USH2A: variants seen among roughly 807,000 people sequenced by gnomAD.
USH2A encodes the protein Usher syndrome 2A (autosomal recessive, mild).
USH2A carries 443 observed loss-of-function variants against 538.9 expected under a neutral mutation model. That is an observed-to-expected ratio of 0.82 (90% CI 0.76 to 0.89). The LOEUF is 0.89. USH2A is among the 40% of genes least tolerant of loss of function. USH2A has a pLI of 0.00. For missense variants in USH2A, 6,633 were observed against 6,324.8 expected, an observed-to-expected ratio of 1.05 and a Z score of -1.65; for synonymous variants, 2,413 against 2,273.5, an observed-to-expected ratio of 1.06 and a Z score of -1.75.
intron 4 of USH2A, among the ~76,000 whole-genome samples, chr1:216,335,639 T>C (rs1027871299): frequency 5.3e-5 from 8 of 151,636 alleles, no homozygotes; most frequent in African/African-American, 1.7e-4. Flanking sequence ...AGGGATACTA[T>C]GAACAACTGT....
intron 21 of USH2A, 59 bp downstream of exon 21, chr1:216,175,193 T>C (rs1354821231): frequency 6.2e-7 from 1 of 1,607,514 alleles, no homozygotes; most frequent in African/African-American, 1.3e-5. Flanking sequence ...GATATGAAAA[T>C]ATAGAAAACA....
intron 21 of USH2A, among the ~76,000 whole-genome samples, chr1:216,116,547 T>C (rs1226659013): frequency 6.6e-6 from 1 of 152,130 alleles, no homozygotes; most frequent in Non-Finnish European, 1.5e-5. Context: ...ACAATCTCAG[T>C]GGATCCCAAG....
At chr1:215,949,611 G>A (rs1377148369) in intron 37 of USH2A, among the ~76,000 whole-genome samples, 1 of 151,976 alleles carries the variant, frequency 6.6e-6, no homozygotes, top group Non-Finnish European at 1.5e-5. Context: ...AAATAGCTCA[G>A]AAACAGGCAG....
At position 216,228,328 on chromosome 1, in the gene USH2A, A is replaced by G. The variant is rs114862348; in HGVS notation, c.2993+3625T>C. ...AATAATGGCAGGAGTTAGAAAAGGG[A>G]GAAAAATAGAATCCCTCTGAAAAGG... On this transcript the variant is annotated intron_variant, in intron 14 of 71. Transcript: ENST00000307340. Among the ~76,000 whole-genome samples the G allele has an allele frequency of 3.4e-3, 522 of 152,172 alleles. 2 individuals carry two copies. The highest frequency in any genetic ancestry group is 0.012 in the African/African-American group (496 of 41,516).
rs565005392 is a variant in USH2A at position 215,958,306 on chromosome 1, T to C, written c.7120+7011A>G. On this transcript the variant is annotated intron_variant, in intron 37 of 71. Coordinates refer to ENST00000307340, the MANE Select transcript of USH2A (RefSeq NM_206933.4). ...TTTAGAGATTTAGAGCATTTGAATATACTGACATTCTAAAGCACTCTTTCT... is the reference window on the plus strand; with the variant it reads ...TTTAGAGATTTAGAGCATTTGAATACACTGACATTCTAAAGCACTCTTTCT... 2.6e-5 allele frequency among the ~76,000 whole-genome samples: 4 copies of C among 152,160 alleles called. No individual in the cohort carries two copies. In the South Asian group the frequency reaches 6.2e-4, roughly 24 times the overall value.
chr1:216,346,442 T>G (rs931632160), intron 4 of USH2A, among the ~76,000 whole-genome samples: 4 of 152,098 alleles, frequency 2.6e-5, no homozygotes, highest in Non-Finnish European at 5.9e-5. Flanking sequence ...GTTTTTTACT[T>G]TTGGGGGTAT....
In USH2A at chr1:216,323,276, T is replaced by A. The variant is rs953955500; in HGVS notation, c.1550+198A>T. Reference sequence around the variant, plus strand: ...TATATATTTATTTATAAAATACGTTTTATATATATATATATATATATATAT... The same window carrying A: ...TATATATTTATTTATAAAATACGTTATATATATATATATATATATATATAT... On this transcript the variant is annotated intron_variant, in intron 8 of 71. Transcript: ENST00000307340. Among the ~76,000 whole-genome samples, 106 of 137,100 alleles carry A rather than the reference T, an allele frequency of 7.7e-4. 1 individual carries two copies. The highest frequency in any genetic ancestry group is 9.4e-4 in the South Asian group (4 of 4,260). 89.9% of individuals were successfully genotyped at this position (137,100 alleles called of 152,430 possible).
At chr1:216,272,818 T>C (rs2036601287) in intron 11 of USH2A, among the ~76,000 whole-genome samples, 1 of 152,212 alleles carries the variant, frequency 6.6e-6, no homozygotes, top group East Asian at 1.9e-4. Flanking sequence ...ATGGAAACCA[T>C]AACCTAGGAA....
At chr1:216,132,794 G>A (rs1471978807) in intron 21 of USH2A, among the ~76,000 whole-genome samples, 1 of 151,884 alleles carries the variant, frequency 6.6e-6, no homozygotes, top group Non-Finnish European at 1.5e-5. Flanking sequence ...TCCTCTCTGG[G>A]GACACATGAC....
At chr1:215,777,824 T>C (rs1279304120) in intron 55 of USH2A, among the ~76,000 whole-genome samples, 2 of 152,192 alleles carry the variant, frequency 1.3e-5, no homozygotes, top group African/African-American at 4.8e-5. Context: ...GCTTTCTTCT[T>C]CATCTTTCAG....
intron 64 of USH2A, among the ~76,000 whole-genome samples, chr1:215,666,603 G>T (rs969038785): frequency 6.6e-6 from 1 of 152,174 alleles, no homozygotes; most frequent in Admixed American, 6.5e-5. Flanking sequence ...ACAGGGGAAT[G>T]GGGACTGGGT....
At chr1:215,930,096 A>C (rs1337689937) in intron 38 of USH2A, among the ~76,000 whole-genome samples, 2 of 152,072 alleles carry the variant, frequency 1.3e-5, no homozygotes, top group Admixed American at 1.3e-4. Context: ...AATAATTCTC[A>C]TCAACTTAAA....
intron 23 of USH2A, among the ~76,000 whole-genome samples, chr1:216,088,329 AATTT>A (rs1056445512): frequency 1.3e-5 from 2 of 152,008 alleles, no homozygotes; most frequent in African/African-American, 2.4e-5. Flanking sequence ...TATTTGTTTA[AATTT>A]ATTTATTCTG....
intron 21 of USH2A, among the ~76,000 whole-genome samples, chr1:216,173,385 A>T (rs1314847173): frequency 6.6e-6 from 1 of 152,150 alleles, no homozygotes; most frequent in Non-Finnish European, 1.5e-5. Context: ...GTCCCAGAAC[A>T]TGCCTGAACA....
intron 44 of USH2A, among the ~76,000 whole-genome samples, chr1:215,854,471 A>G (rs1664102568): frequency 6.6e-6 from 1 of 152,186 alleles, no homozygotes; most frequent in African/African-American, 2.4e-5. Context: ...AACATACTGA[A>G]GCAGCATCAT....
intron 64 of USH2A, among the ~76,000 whole-genome samples, chr1:215,666,539 C>A (rs1421622920): frequency 6.6e-6 from 1 of 152,062 alleles, no homozygotes; most frequent in Non-Finnish European, 1.5e-5. Flanking sequence ...ATGAGAATCA[C>A]CTGGGAACCT....
chr1:216,027,206 C>T (rs540357970), intron 32 of USH2A, among the ~76,000 whole-genome samples: 1 of 152,076 alleles, frequency 6.6e-6, no homozygotes, highest in Non-Finnish European at 1.5e-5. Flanking sequence ...AGCCTTAATT[C>T]AATCGGACAG....
At chr1:216,339,402 A>G (rs1236711432) in intron 4 of USH2A, among the ~76,000 whole-genome samples, 1 of 151,718 alleles carries the variant, frequency 6.6e-6, no homozygotes, top group Non-Finnish European at 1.5e-5. Flanking sequence ...TTTAATCTAT[A>G]AGAATGGCAA....
Position 216,199,840 on chromosome 1 carries a change from C to T in USH2A, c.3598G>A (p.Gly1200Ser), listed in dbSNP as rs1191555571. ...AGGQPCVSYE[G>S]HETSATIWNL... The stretch of plus-strand genomic sequence containing the variant: ...CAGATGGTAGCTGAGGTTTCATGAC[C>T]TTCGTAGGAAACACATGGCTGACCA... The change falls in exon 17 of 72, where the codon GGT (glycine) becomes AGT (serine). Residue 1200 changes from glycine to serine, a missense_variant. Transcript: ENST00000307340. 1.9e-6 allele frequency: 3 copies of T among 1,613,980 alleles called. No homozygotes were observed. The highest frequency in any genetic ancestry group is 4.5e-5 in the East Asian group (2 of 44,840).
Sources: allele counts gnomAD v4.1 joint callset (sites outside exome capture counted in the v4.1 genomes callset), GRCh38; gene constraint gnomAD v4.1.1; transcripts MANE v1.5; gene names NCBI Gene and HGNC (gene_info 2026-07-23, HGNC 2026-07-21).